FHIT: variants seen among roughly 807,000 people sequenced by gnomAD.
FHIT encodes fragile histidine triad diadenosine triphosphatase.
A neutral mutation model predicts 17.9 loss-of-function variants in FHIT; 19 were observed. The ratio of observed to expected loss-of-function variants is 1.06; its 90% CI spans 0.74 to 1.56. The LOEUF (loss-of-function observed/expected upper bound fraction) is 1.56, where lower values mean the gene tolerates loss of function less well. Among genes scored for constraint, FHIT ranks in the 40% most tolerant of loss-of-function variants. The probability of loss-of-function intolerance (pLI) is 0.00; values close to 1 mark genes in which losing one functional copy is unlikely to be tolerated. For missense variants in FHIT, 248 were observed against 189.2 expected, an observed-to-expected ratio of 1.31 and a Z score of -1.82; for synonymous variants, 81 against 69.7, an observed-to-expected ratio of 1.16 and a Z score of -0.81.
intron 5 of FHIT, among the ~76,000 whole-genome samples, chr3:60,198,227 T>C (rs1174710992): frequency 6.6e-6 from 1 of 152,170 alleles, no homozygotes; most frequent in African/African-American, 2.4e-5. Context: ...ATCTTAGGTA[T>C]GGCACTAACT....
At chr3:61,211,668 G>A (rs970652275) in intron 1 of FHIT, among the ~76,000 whole-genome samples, 6 of 152,352 alleles carry the variant, frequency 3.9e-5, no homozygotes, top group East Asian at 3.9e-4. Context: ...CTCCCAGCAC[G>A]CAGCCAGAGA....
intron 3 of FHIT, among the ~76,000 whole-genome samples, chr3:60,893,646 A>G (rs558543801): frequency 2.0e-5 from 3 of 152,298 alleles, no homozygotes; most frequent in Admixed American, 6.5e-5. Flanking sequence ...GACAGCTAGA[A>G]TAACTTCTGC....
intron 5 of FHIT, among the ~76,000 whole-genome samples, chr3:60,201,178 C>G (rs1702886461): frequency 6.6e-6 from 1 of 152,068 alleles, no homozygotes; most frequent in Non-Finnish European, 1.5e-5. Context: ...CTATGTATAA[C>G]AACACGTATG....
chr3:60,861,229 G>GATATATATGATAT (rs1282676250), intron 3 of FHIT, among the ~76,000 whole-genome samples: 1 of 11,270 alleles, frequency 8.9e-5, no homozygotes, highest in African/African-American at 3.4e-4. Flanking sequence ...TGATATATAT[G>GATATATATGATAT]ATATATCATA....
At chr3:60,163,502 C>T (rs1701029327) in intron 5 of FHIT, among the ~76,000 whole-genome samples, 1 of 152,072 alleles carries the variant, frequency 6.6e-6, no homozygotes, top group Admixed American at 6.5e-5. Flanking sequence ...TCCTCCAAGG[C>T]CCCCTGTGCT....
At chr3:59,786,370 T>C (rs1455648456) in intron 8 of FHIT, among the ~76,000 whole-genome samples, 1 of 152,232 alleles carries the variant, frequency 6.6e-6, no homozygotes, top group African/African-American at 2.4e-5. Context: ...TCTTTCTTTC[T>C]ACCTGGAGCT....
At chr3:60,548,867 C>A (rs2036455856) in intron 4 of FHIT, among the ~76,000 whole-genome samples, 1 of 152,182 alleles carries the variant, frequency 6.6e-6, no homozygotes, top group Non-Finnish European at 1.5e-5. Flanking sequence ...ACTCTTGACT[C>A]CAACAATCTC....
chr3:60,059,394 T>C (rs1030725088), intron 5 of FHIT, among the ~76,000 whole-genome samples: 2 of 152,148 alleles, frequency 1.3e-5, no homozygotes, highest in African/African-American at 2.4e-5. Flanking sequence ...GCCACACACA[T>C]GTGGGTGGCC....
intron 5 of FHIT, among the ~76,000 whole-genome samples, chr3:60,313,560 G>A (rs528302244): frequency 2.0e-5 from 3 of 152,304 alleles, no homozygotes; most frequent in East Asian, 3.9e-4. Context: ...GTCACGTAAA[G>A]TGCAAACAAC....
intron 5 of FHIT, among the ~76,000 whole-genome samples, chr3:60,245,946 C>T (rs1280568533): frequency 6.6e-6 from 1 of 151,956 alleles, no homozygotes; most frequent in Non-Finnish European, 1.5e-5. Flanking sequence ...CATTTTTATA[C>T]AATGAATAAT....
chr3:60,284,185 A>G (rs13060988), intron 5 of FHIT, among the ~76,000 whole-genome samples: 38,719 of 151,932 alleles, frequency 0.25, 5,644 homozygotes, highest in East Asian at 0.7. Context: ...ACATAAACCT[A>G]AAAAGACCCT....
chr3:60,501,165 T>A (rs1016658340), intron 5 of FHIT, among the ~76,000 whole-genome samples: 2 of 152,184 alleles, frequency 1.3e-5, no homozygotes, highest in African/African-American at 4.8e-5. Context: ...AGCCATTCTG[T>A]AAAATAGGCT....
intron 8 of FHIT, among the ~76,000 whole-genome samples, chr3:59,904,258 C>T (rs1575671438): frequency 7.0e-6 from 1 of 142,850 alleles, no homozygotes; most frequent in East Asian, 2.0e-4. Context: ...TACCAGTAAG[C>T]TCTAAATAAG....
intron 8 of FHIT, among the ~76,000 whole-genome samples, chr3:59,787,627 A>G (rs763267312): frequency 2.2e-4 from 33 of 152,096 alleles, no homozygotes; most frequent in African/African-American, 3.9e-4. Context: ...GATTAGCTCA[A>G]TTGTTCTGAG....
chr3:60,256,103 G>T (rs982154784), intron 5 of FHIT, among the ~76,000 whole-genome samples: 28 of 152,130 alleles, frequency 1.8e-4, no homozygotes, highest in African/African-American at 5.8e-4. Context: ...AACCTCCATT[G>T]ATCTTACCAG....
chr3:60,128,532 G>A (rs1011207569), intron 5 of FHIT, among the ~76,000 whole-genome samples: 1 of 152,136 alleles, frequency 6.6e-6, no homozygotes, highest in African/African-American at 2.4e-5. Flanking sequence ...CATGAAAATG[G>A]ACTAATACAA....
At chr3:60,029,086 G>T (rs938307975) in intron 5 of FHIT, among the ~76,000 whole-genome samples, 5 of 152,124 alleles carry the variant, frequency 3.3e-5, no homozygotes, top group African/African-American at 1.2e-4. Flanking sequence ...TGTTTCTAAT[G>T]TTTTAAATTA....
chr3:60,464,971 C>T (rs1159166286), intron 5 of FHIT, among the ~76,000 whole-genome samples: 1 of 152,140 alleles, frequency 6.6e-6, no homozygotes, highest in East Asian at 1.9e-4. Flanking sequence ...TACATTCCCA[C>T]CAACAATGTA....
At chr3:60,555,218 C>G (rs538325846) in intron 4 of FHIT, among the ~76,000 whole-genome samples, 2 of 151,514 alleles carry the variant, frequency 1.3e-5, no homozygotes, top group South Asian at 4.2e-4. Flanking sequence ...TGTGTTCTTC[C>G]AGGCCCTCAG....
Sources: allele counts gnomAD v4.1 joint callset (sites outside exome capture counted in the v4.1 genomes callset), GRCh38; gene constraint gnomAD v4.1.1; transcripts MANE v1.5; gene names NCBI Gene and HGNC (gene_info 2026-07-23, HGNC 2026-07-21).